Variants in OPCML observed in about 807,000 individuals in gnomAD.
The protein encoded by OPCML is opioid binding protein/cell adhesion molecule like.
Under a neutral mutation model 37.8 loss-of-function variants are expected in OPCML, and 13 were observed. That is an observed-to-expected ratio of 0.34 (90% CI 0.22 to 0.55). The LOEUF is 0.55. Among genes scored for constraint, OPCML ranks in the 20% least tolerant of loss-of-function variants. The pLI, the probability that OPCML is intolerant of heterozygous loss-of-function variation, is 0.91. For missense variants in OPCML, 341 were observed against 435.6 expected (o/e 0.78, Z 1.93); for synonymous variants, 176 against 168.8 (o/e 1.04, Z -0.33).
intron 1 of OPCML, among the ~76,000 whole-genome samples, chr11:132,979,018 C>A (rs1324098443): frequency 6.6e-6 from 1 of 152,166 alleles, no homozygotes; most frequent in Non-Finnish European, 1.5e-5. Context: ...TTCTTCTTTT[C>A]ATTTATTCAG....
intron 7 of OPCML, among the ~76,000 whole-genome samples, chr11:132,427,633 G>A (rs1164273487): frequency 6.6e-6 from 1 of 152,234 alleles, no homozygotes; most frequent in African/African-American, 2.4e-5. Context: ...AGCTTAAGAA[G>A]TTAATATCAG....
At chr11:133,115,577 T>G (rs1949321414) in intron 1 of OPCML, among the ~76,000 whole-genome samples, 1 of 152,080 alleles carries the variant, frequency 6.6e-6, no homozygotes, top group East Asian at 1.9e-4. Context: ...AAACCCTAAT[T>G]CTTTCGTATC....
At chr11:132,457,247 G>A (rs563688640) in intron 4 of OPCML, among the ~76,000 whole-genome samples, 2 of 152,346 alleles carry the variant, frequency 1.3e-5, no homozygotes, top group East Asian at 3.9e-4. Flanking sequence ...GAATTGAGCA[G>A]GGCCATGCAT....
chr11:133,142,456 G>A (rs1949837481), intron 1 of OPCML, among the ~76,000 whole-genome samples: 1 of 152,072 alleles, frequency 6.6e-6, no homozygotes, highest in African/African-American at 2.4e-5. Flanking sequence ...TGATATCCCT[G>A]GTTATAATTT....
intron 3 of OPCML, among the ~76,000 whole-genome samples, chr11:132,571,118 T>C (rs1286228314): frequency 6.6e-6 from 1 of 151,998 alleles, no homozygotes; most frequent in Non-Finnish European, 1.5e-5. Flanking sequence ...CTGGCTTTCA[T>C]CGTTCTCCCA....
chr11:132,644,769 C>T (rs1010672264), intron 3 of OPCML, among the ~76,000 whole-genome samples: 1 of 152,162 alleles, frequency 6.6e-6, no homozygotes, highest in African/African-American at 2.4e-5. Context: ...ATCCAAGAGA[C>T]ATATTAATAA....
chr11:133,025,377 T>G, intron 1 of OPCML: 1 of 985,244 alleles, frequency 1.0e-6, no homozygotes, highest in Non-Finnish European at 1.2e-6. Flanking sequence ...CCTAATGGCT[T>G]GAAACCAGTA....
intron 4 of OPCML, among the ~76,000 whole-genome samples, chr11:132,475,629 T>C (rs1468434141): frequency 6.6e-6 from 1 of 152,012 alleles, no homozygotes; most frequent in African/African-American, 2.4e-5. Context: ...GTTAAAGAGA[T>C]ATCTCAAAGA....
At chr11:133,064,133 C>G (rs1019109919) in intron 1 of OPCML, among the ~76,000 whole-genome samples, 8 of 152,174 alleles carry the variant, frequency 5.3e-5, no homozygotes, top group Non-Finnish European at 1.5e-5. Context: ...GGAGGTGGCG[C>G]TGATCCAGAG....
chr11:133,256,205 T>C (rs2136445369), intron 1 of OPCML, among the ~76,000 whole-genome samples: 1 of 152,346 alleles, frequency 6.6e-6, no homozygotes, highest in South Asian at 2.1e-4. Flanking sequence ...TGATGAAGTA[T>C]AGTGAAGAAG....
chr11:133,246,213 G>A (rs1940920285), intron 1 of OPCML, among the ~76,000 whole-genome samples: 1 of 152,184 alleles, frequency 6.6e-6, no homozygotes, highest in South Asian at 2.1e-4. Context: ...CTAATTCAAT[G>A]CACATTTATT....
chr11:132,800,302 C>G (rs1405310732), intron 2 of OPCML, among the ~76,000 whole-genome samples: 1 of 152,158 alleles, frequency 6.6e-6, no homozygotes, highest in East Asian at 1.9e-4. Context: ...TCTAATCAAA[C>G]TTTTAATGGA....
intron 1 of OPCML, among the ~76,000 whole-genome samples, chr11:132,953,529 A>T (rs1160705840): frequency 6.6e-6 from 1 of 152,098 alleles, no homozygotes; most frequent in East Asian, 1.9e-4. Context: ...GTCACACCTC[A>T]TATAGTTCTA....
intron 3 of OPCML, among the ~76,000 whole-genome samples, chr11:132,542,976 CA>C (rs1461043812): frequency 6.6e-6 from 1 of 152,144 alleles, no homozygotes; most frequent in African/African-American, 2.4e-5. Flanking sequence ...GGAACAGATA[CA>C]GAAACTCTTT....
chr11:132,489,894 T>A (rs1313925936), intron 4 of OPCML, among the ~76,000 whole-genome samples: 4 of 152,110 alleles, frequency 2.6e-5, no homozygotes, highest in African/African-American at 9.7e-5. Context: ...CCAGTGTCCA[T>A]GTGTTCTCAT....
intron 2 of OPCML, among the ~76,000 whole-genome samples, chr11:132,866,206 C>T (rs1356491486): frequency 2.6e-5 from 4 of 152,138 alleles, no homozygotes; most frequent in African/African-American, 9.7e-5. Context: ...ATGTGGCCAA[C>T]AAAAGAACAT....
intron 2 of OPCML, among the ~76,000 whole-genome samples, chr11:132,878,782 C>T (rs537244474): frequency 3.4e-4 from 52 of 152,198 alleles, no homozygotes; most frequent in African/African-American, 1.2e-3. Flanking sequence ...CTAAAATGTC[C>T]TAACACAGCT....
intron 7 of OPCML, among the ~76,000 whole-genome samples, chr11:132,424,210 C>G (rs574231186): frequency 1.3e-5 from 2 of 152,044 alleles, no homozygotes; most frequent in African/African-American, 2.4e-5. Flanking sequence ...AGCTCCACCT[C>G]CTGGGTTCAC....
At chr11:132,559,123 G>A (rs926976517) in intron 3 of OPCML, among the ~76,000 whole-genome samples, 3 of 151,682 alleles carry the variant, frequency 2.0e-5, no homozygotes, top group Admixed American at 6.6e-5. Flanking sequence ...GAGAGAAAAA[G>A]GACAAAGAAG....
Sources: gnomAD v4.1 joint callset for allele counts (sites outside exome capture counted in the v4.1 genomes callset) on GRCh38, gnomAD v4.1.1 for gene constraint, MANE v1.5 for transcripts, NCBI Gene and HGNC (gene_info 2026-07-23, HGNC 2026-07-21) for gene names.